Variants in NXPH1 observed in about 807,000 individuals in gnomAD.
The protein encoded by NXPH1 is neurexophilin 1.
NXPH1 carries 5 observed loss-of-function variants against 23.7 expected under a neutral mutation model. The ratio of observed to expected loss-of-function variants is 0.21; its 90% CI spans 0.11 to 0.44. NXPH1 has a LOEUF of 0.44. Ranked by LOEUF, NXPH1 falls within the 20% of genes least tolerant of loss-of-function variation. The probability of loss-of-function intolerance (pLI) is 0.99; values close to 1 mark genes in which losing one functional copy is unlikely to be tolerated. For synonymous variants in NXPH1, 144 were observed against 122.2 expected (o/e 1.18, Z -1.18); for missense variants, 324 against 321.6 (o/e 1.01, Z -0.06).
At chr7:8,697,765 C>T (rs750502759) in intron 2 of NXPH1, among the ~76,000 whole-genome samples, 23 of 152,138 alleles carry the variant, frequency 1.5e-4, no homozygotes, top group African/African-American at 4.3e-4. Context: ...AAGTCTCAGG[C>T]AAACATGTTC....
At chr7:8,513,209 T>C (rs1817637755) in intron 2 of NXPH1, among the ~76,000 whole-genome samples, 1 of 151,998 alleles carries the variant, frequency 6.6e-6, no homozygotes, top group Non-Finnish European at 1.5e-5. Context: ...ATTTTACAGG[T>C]GGATGAGGAT....
chr7:8,469,192 A>G (rs572969478), intron 2 of NXPH1, among the ~76,000 whole-genome samples: 2 of 152,188 alleles, frequency 1.3e-5, no homozygotes, highest in South Asian at 2.1e-4. Flanking sequence ...AAGTACCATT[A>G]TAGTGATTTT....
At chr7:8,596,470 G>A (rs1819227144) in intron 2 of NXPH1, among the ~76,000 whole-genome samples, 1 of 151,952 alleles carries the variant, frequency 6.6e-6, no homozygotes, top group Non-Finnish European at 1.5e-5. Flanking sequence ...TTTTTTTATT[G>A]GAATGAACTT....
intron 2 of NXPH1, among the ~76,000 whole-genome samples, chr7:8,531,870 CTG>C (rs1817954270): frequency 6.6e-6 from 1 of 152,132 alleles, no homozygotes; most frequent in Non-Finnish European, 1.5e-5. Context: ...CAGTATTTTT[CTG>C]TGTCTCATAG....
chr7:8,640,457 C>A (rs1224434956), intron 2 of NXPH1, among the ~76,000 whole-genome samples: 2 of 151,028 alleles, frequency 1.3e-5, no homozygotes, highest in African/African-American at 4.9e-5. Context: ...GTTTTAAATT[C>A]ATTTTGCTTG....
Position 8,662,199 on chromosome 7 carries a change from T to C in NXPH1, c.55-88809T>C, listed in dbSNP as rs1219651365. 1.4e-4 allele frequency among the ~76,000 whole-genome samples: 13 copies of C among 91,878 alleles called. 1 individual carries two copies. In the East Asian group the frequency reaches 3.6e-3, roughly 26 times the overall value. 60.3% of individuals were successfully genotyped at this position (91,878 alleles called of 152,430 possible). On this transcript the variant is annotated intron_variant, in intron 2 of 2. Transcript: ENST00000405863. ...ATATATATATATATATACACACATA[T>C]ATATATACACACACATGTATCTCAA...
intron 2 of NXPH1, among the ~76,000 whole-genome samples, chr7:8,589,861 C>G (rs1819055902): frequency 6.6e-6 from 1 of 152,026 alleles, no homozygotes; most frequent in South Asian, 2.1e-4. Flanking sequence ...CAGCCACCAT[C>G]CAATAGATAG....
intron 2 of NXPH1, among the ~76,000 whole-genome samples, chr7:8,464,897 C>T (rs1584172708): frequency 6.6e-6 from 1 of 152,128 alleles, no homozygotes; most frequent in Non-Finnish European, 1.5e-5. Flanking sequence ...TCTGGAAGGC[C>T]TGAAAGTTAG....
intron 2 of NXPH1, among the ~76,000 whole-genome samples, chr7:8,623,367 G>A (rs973643541): frequency 6.6e-6 from 1 of 151,966 alleles, no homozygotes; most frequent in Non-Finnish European, 1.5e-5. Context: ...AAGTTAAAGG[G>A]GGAAGAATAA....
At chr7:8,609,095 G>A (rs1331607274) in intron 2 of NXPH1, among the ~76,000 whole-genome samples, 1 of 152,112 alleles carries the variant, frequency 6.6e-6, no homozygotes, top group Non-Finnish European at 1.5e-5. Flanking sequence ...GTGATTTTAG[G>A]TGTGGACTTA....
At chr7:8,602,382 C>G (rs1337304312) in intron 2 of NXPH1, among the ~76,000 whole-genome samples, 2 of 152,044 alleles carry the variant, frequency 1.3e-5, no homozygotes, top group Non-Finnish European at 2.9e-5. Context: ...TTTAAGACTC[C>G]TCATGGTCTT....
intron 2 of NXPH1, among the ~76,000 whole-genome samples, chr7:8,608,228 C>G (rs984386472): frequency 6.6e-6 from 1 of 152,078 alleles, no homozygotes; most frequent in Non-Finnish European, 1.5e-5. Context: ...AGATTAACTA[C>G]TTAGCTAGTT....
At chr7:8,550,303 G>T (rs1260414970) in intron 2 of NXPH1, among the ~76,000 whole-genome samples, 1 of 151,540 alleles carries the variant, frequency 6.6e-6, no homozygotes, top group Non-Finnish European at 1.5e-5. Context: ...GGGCAAAAGG[G>T]GGGTGTTGCT....
intron 2 of NXPH1, among the ~76,000 whole-genome samples, chr7:8,646,269 C>T (rs1442851742): frequency 2.0e-5 from 3 of 152,062 alleles, no homozygotes; most frequent in South Asian, 2.1e-4. Context: ...ATTAGAGATA[C>T]ATTTTTAAAC....
At position 8,752,680 on chromosome 7, in the gene NXPH1, AC is replaced by A. The variant is rs1279790016; in HGVS notation, c.*912del. 2 of 152,520 alleles carry A rather than the reference AC, an allele frequency of 1.3e-5. No homozygotes were observed. Among genetic ancestry groups the A allele is most frequent in the African/African-American group, 2.4e-5 (1 of 41,444 alleles). The allele number at this position is 152,520 out of a possible 1,614,324, so 9.4% of individuals were successfully genotyped here. A position where few individuals can be genotyped will look rare whatever the true frequency, so the allele number is the denominator to read the frequency against. On this transcript the variant is annotated 3_prime_UTR_variant, in exon 3 of 3. Coordinates refer to ENST00000405863, the MANE Select transcript of NXPH1 (RefSeq NM_152745.3). ...CATTTGTATGAATGGTTTGTATTGT[AC>A]ATAGTTTAACCAAGTGTTATTTGAG...
rs79938123 is a variant in NXPH1, at chr7:8,470,814, G to T, written c.54+35047G>T. On this transcript the variant is annotated intron_variant, in intron 2 of 2. Transcript: ENST00000405863. The stretch of plus-strand genomic sequence containing the variant: ...CTTTTGTAGCATGTTTTCAAGGCTG[G>T]CAATTGTGAACAGTCTTCGTCTTCA... Among the ~76,000 whole-genome samples, 320 of 152,234 alleles carry T rather than the reference G, an allele frequency of 2.1e-3. 12 individuals are homozygous for T. In the East Asian group the frequency reaches 0.058, roughly 28 times the overall value.
intron 2 of NXPH1, among the ~76,000 whole-genome samples, chr7:8,691,901 C>A (rs1037398827): frequency 1.8e-4 from 28 of 152,114 alleles, no homozygotes; most frequent in African/African-American, 6.0e-4. Context: ...CACAGAGTTG[C>A]TGCCTTCTAG....
At chr7:8,615,685 A>G (rs1051187906) in intron 2 of NXPH1, among the ~76,000 whole-genome samples, 1 of 152,014 alleles carries the variant, frequency 6.6e-6, no homozygotes, top group African/African-American at 2.4e-5. Context: ...TTGAGAACCA[A>G]AGGTATTCTA....
At chr7:8,564,752 C>T (rs1312601876) in intron 2 of NXPH1, among the ~76,000 whole-genome samples, 1 of 151,742 alleles carries the variant, frequency 6.6e-6, no homozygotes, top group East Asian at 1.9e-4. Context: ...CTTTCTTAAT[C>T]TCATTAGATA....
Sources: allele counts gnomAD v4.1 joint callset (sites outside exome capture counted in the v4.1 genomes callset), GRCh38; gene constraint gnomAD v4.1.1; transcripts MANE v1.5; gene names NCBI Gene and HGNC (gene_info 2026-07-23, HGNC 2026-07-21).